Variants in EGFR observed in about 807,000 individuals in gnomAD.
The protein encoded by EGFR is avian erythroblastic leukemia viral (v-erb-b) oncogene homolog.
EGFR carries 58 observed loss-of-function variants against 143.0 expected under a neutral mutation model. That is an observed-to-expected ratio of 0.41 (90% CI 0.33 to 0.50). The LOEUF is 0.50. Ranked by LOEUF, EGFR falls within the 20% of genes least tolerant of loss-of-function variation. The pLI, the probability that EGFR is intolerant of heterozygous loss-of-function variation, is 0.39. For missense variants in EGFR, 1,307 were observed against 1,579.0 expected, an observed-to-expected ratio of 0.83 and a Z score of 2.92; for synonymous variants, 613 against 594.4, an observed-to-expected ratio of 1.03 and a Z score of -0.45.
chr7:55,048,397 G>A (rs1245864621), intron 1 of EGFR, among the ~76,000 whole-genome samples: 1 of 152,184 alleles, frequency 6.6e-6, no homozygotes, highest in African/African-American at 2.4e-5. Context: ...AGCTGGGAAT[G>A]CCCCATGGCC....
intron 1 of EGFR, among the ~76,000 whole-genome samples, chr7:55,085,817 TA>T (rs974391562): frequency 6.6e-6 from 1 of 152,150 alleles, no homozygotes; most frequent in African/African-American, 2.4e-5. Flanking sequence ...TCAGCTCTTT[TA>T]AAAATAAGGA....
chr7:55,035,224 A>T (rs939624326), intron 1 of EGFR, among the ~76,000 whole-genome samples: 7 of 152,246 alleles, frequency 4.6e-5, no homozygotes, highest in African/African-American at 1.7e-4. Flanking sequence ...ACTGTTGTAC[A>T]TTCCCTAGGT....
intron 1 of EGFR, among the ~76,000 whole-genome samples, chr7:55,069,327 A>C (rs1409673301): frequency 6.6e-6 from 1 of 152,186 alleles, no homozygotes. Flanking sequence ...CCAGCAAGGG[A>C]TACTTTTTAG....
chr7:55,090,762 A>T (rs1791062090), intron 1 of EGFR, among the ~76,000 whole-genome samples: 1 of 152,226 alleles, frequency 6.6e-6, no homozygotes, highest in Non-Finnish European at 1.5e-5. Flanking sequence ...TTATCATTTT[A>T]AAAACATCTT....
intron 1 of EGFR, among the ~76,000 whole-genome samples, chr7:55,132,270 A>G (rs561668842): frequency 7.2e-5 from 11 of 152,356 alleles, no homozygotes; most frequent in South Asian, 2.1e-4. Context: ...GCAGATAAAC[A>G]TTTGCAAAAA....
At chr7:55,151,511 T>G in intron 5 of EGFR, 149 bp downstream of exon 5, 1 of 859,150 alleles carries the variant, frequency 1.2e-6, no homozygotes, top group Non-Finnish European at 1.9e-6. Flanking sequence ...AGGACAGTCT[T>G]GCAAATCTCA....
At chr7:55,134,306 C>T (rs1445925649) in intron 1 of EGFR, among the ~76,000 whole-genome samples, 1 of 148,474 alleles carries the variant, frequency 6.7e-6, no homozygotes, top group East Asian at 1.9e-4. Context: ...CCCACCCCAG[C>T]CACACACAGG....
intron 1 of EGFR, among the ~76,000 whole-genome samples, chr7:55,047,984 A>G (rs562974485): frequency 3.8e-4 from 58 of 152,250 alleles, no homozygotes; most frequent in African/African-American, 1.3e-3. Flanking sequence ...GTGAAAAAAT[A>G]TATAAATATA....
At chr7:55,124,556 C>A (rs899484276) in intron 1 of EGFR, among the ~76,000 whole-genome samples, 2 of 152,184 alleles carry the variant, frequency 1.3e-5, no homozygotes, top group Non-Finnish European at 2.9e-5. Flanking sequence ...GCATTATCAT[C>A]ATCTGCAAGT....
intron 26 of EGFR, 101 bp downstream of exon 26, chr7:55,201,883 C>T (rs1391806454): frequency 1.4e-6 from 2 of 1,404,668 alleles, no homozygotes; most frequent in African/African-American, 1.4e-5. Context: ...CCCAGATAAT[C>T]TTGAGTTTTC....
At chr7:55,140,050 TG>T (rs1418316708) in intron 1 of EGFR, among the ~76,000 whole-genome samples, 3 of 151,632 alleles carry the variant, frequency 2.0e-5, no homozygotes, top group Non-Finnish European at 4.4e-5. Flanking sequence ...AAGGGGCTTT[TG>T]GGGGGTCATT....
intron 11 of EGFR, 112 bp downstream of exon 11, chr7:55,157,865 G>A: frequency 3.7e-6 from 4 of 1,070,724 alleles, no homozygotes; most frequent in Middle Eastern, 2.0e-4. Context: ...ATCTCTCGCC[G>A]GCATTCCCAA....
intron 8 of EGFR, 95 bp downstream of exon 8, chr7:55,156,041 A>C: frequency 2.3e-6 from 2 of 867,052 alleles, no homozygotes; most frequent in Non-Finnish European, 3.8e-6. Context: ...TCCTCTTCTC[A>C]TTAAAAAACA....
intron 1 of EGFR, among the ~76,000 whole-genome samples, chr7:55,021,077 A>G (rs886465708): frequency 2.0e-5 from 3 of 152,146 alleles, no homozygotes; most frequent in African/African-American, 7.2e-5. Flanking sequence ...TTACTTGCCA[A>G]TGCTAAGAGC....
At chr7:55,073,165 A>G (rs1789931301) in intron 1 of EGFR, among the ~76,000 whole-genome samples, 1 of 152,240 alleles carries the variant, frequency 6.6e-6, no homozygotes, top group Admixed American at 6.5e-5. Context: ...TTTTCTAAAT[A>G]CTGAAAGACT....
chr7:55,093,164 CG>C (rs1315352822), intron 1 of EGFR, among the ~76,000 whole-genome samples: 1 of 152,158 alleles, frequency 6.6e-6, no homozygotes, highest in Non-Finnish European at 1.5e-5. Context: ...CTCAGGGGTC[CG>C]CTGGGTTCCT....
intron 20 of EGFR, among the ~76,000 whole-genome samples, chr7:55,185,994 A>G (rs913681768): frequency 6.6e-6 from 1 of 152,126 alleles, no homozygotes; most frequent in African/African-American, 2.4e-5. Flanking sequence ...GTGAGCTGCT[A>G]ATGGGAGGGA....
intron 1 of EGFR, among the ~76,000 whole-genome samples, chr7:55,108,557 G>C (rs181227451): frequency 1.3e-5 from 2 of 152,352 alleles, no homozygotes; most frequent in Admixed American, 1.3e-4. Context: ...AGAAATAGCA[G>C]TAGGCTGAAG....
At chr7:55,151,805 C>T (rs548577825) in intron 5 of EGFR, among the ~76,000 whole-genome samples, 100 of 152,242 alleles carry the variant, frequency 6.6e-4, no homozygotes, top group African/African-American at 2.2e-3. Flanking sequence ...ACCTGGGAGG[C>T]GGAGCTTGCA....
Sources: allele counts gnomAD v4.1 joint callset (sites outside exome capture counted in the v4.1 genomes callset), GRCh38; gene constraint gnomAD v4.1.1; transcripts MANE v1.5; gene names NCBI Gene and HGNC (gene_info 2026-07-23, HGNC 2026-07-21).